Variants in CLIC4 observed in about 807,000 individuals in gnomAD.
The protein encoded by CLIC4 is CLIC family member 4.
In CLIC4, 13 loss-of-function variants were observed where a neutral mutation model predicts 24.6. The observed-to-expected ratio is 0.53, with a 90% CI of 0.34 to 0.84. The LOEUF (loss-of-function observed/expected upper bound fraction) is 0.84, where lower values mean the gene tolerates loss of function less well. CLIC4 is among the 40% of genes least tolerant of loss of function. CLIC4 has a pLI of 0.01. For synonymous variants in CLIC4, 104 were observed against 111.3 expected (o/e 0.93, Z 0.41); for missense variants, 227 against 301.7 (o/e 0.75, Z 1.83).
rs571700708 is a variant in CLIC4, at chr1:24,759,387, A to G, written c.72+13762A>G. Among the ~76,000 whole-genome samples the G allele has an allele frequency of 1.4e-4, 21 of 152,258 alleles. No homozygotes were observed. The South Asian group carries it at 3.9e-3, about 29-fold the overall frequency. ...TGTTCAAGGAGCTCTATTATAACCA[A>G]GTAGACAGTCAGATGGTGAGTAAAT... On this transcript the variant is annotated intron_variant, in intron 1 of 5. Coordinates refer to ENST00000374379, the MANE Select transcript of CLIC4 (RefSeq NM_013943.3).
chr1:24,785,057 G>A (rs1401416315), intron 1 of CLIC4, among the ~76,000 whole-genome samples: 2 of 146,580 alleles, frequency 1.4e-5, no homozygotes, highest in Non-Finnish European at 3.0e-5. Context: ...TTTCTATTTA[G>A]TGAACATTTA....
At chr1:24,830,649 G>A (rs1383636432) in intron 4 of CLIC4, among the ~76,000 whole-genome samples, 1 of 152,128 alleles carries the variant, frequency 6.6e-6, no homozygotes, top group Admixed American at 6.5e-5. Flanking sequence ...CCTGGTGTGT[G>A]TTAATCTTTG....
rs1639861760 is a variant in CLIC4, at chr1:24,833,835, C to CG, written c.416-6025_416-6024insG. ...CCGGGGCGGCTGGCCGACCCCCCCC[C>CG]CCCCCCCCCGCCTCCCTCCCGGACG... On this transcript the variant is annotated intron_variant, in intron 4 of 5. Transcript: ENST00000374379. Among the ~76,000 whole-genome samples, 2 of 26,112 alleles carry CG rather than the reference C, an allele frequency of 7.7e-5. 1 individual carries two copies. 17.1% of individuals were successfully genotyped at this position (26,112 alleles called of 152,430 possible).
chr1:24,758,076 GT>G (rs1437276352), intron 1 of CLIC4, among the ~76,000 whole-genome samples: 1 of 151,972 alleles, frequency 6.6e-6, no homozygotes, highest in East Asian at 1.9e-4. Context: ...GCCTTTCTCT[GT>G]TTTAGTTTAA....
At chr1:24,816,234 GTTTTTTTTTTT>G (rs71752506) in intron 3 of CLIC4, among the ~76,000 whole-genome samples, 38 of 62,150 alleles carry the variant, frequency 6.1e-4, no homozygotes, top group African/African-American at 1.0e-3. Flanking sequence ...GAATGTTCGT[GTTTTTTTTTTT>G]TTTTTTTTTT....
chr1:24,808,656 GATCT>G (rs1344441893), intron 2 of CLIC4, among the ~76,000 whole-genome samples: 308 of 149,790 alleles, frequency 2.1e-3, no homozygotes, highest in Non-Finnish European at 3.4e-3. Flanking sequence ...AGAGATGGGA[GATCT>G]ATCTATCTAT....
chr1:24,828,305 A>G (rs1639807032), intron 4 of CLIC4, among the ~76,000 whole-genome samples: 2 of 152,114 alleles, frequency 1.3e-5, no homozygotes, highest in African/African-American at 4.8e-5. Flanking sequence ...TCTGGCTTGT[A>G]TCTGTTAATA....
rs1639953437 is a variant in CLIC4 at position 24,842,443 on chromosome 1, C to T, written c.*1506C>T. ...TATAGGAAGTGCTATTTCTCATAGG[C>T]TGTTTCTTGAAATTTTAAGTTTATT... On this transcript the variant is annotated 3_prime_UTR_variant, in exon 6 of 6. Transcript: ENST00000374379. The T allele has an allele frequency of 6.6e-6, 1 of 152,090 alleles. No individual in the cohort carries two copies. The highest frequency in any genetic ancestry group is 6.6e-5 in the Admixed American group (1 of 15,264). The allele number at this position is 152,090 out of a possible 1,614,324, so 9.4% of individuals were successfully genotyped here.
chr1:24,812,969 G>T (rs1429400566), intron 2 of CLIC4, among the ~76,000 whole-genome samples: 2 of 151,560 alleles, frequency 1.3e-5, no homozygotes, highest in Non-Finnish European at 2.9e-5. Context: ...TGCCCACCTT[G>T]GCCTCCCAAA....
intron 2 of CLIC4, 51 bp downstream of exon 2, chr1:24,797,902 G>T: frequency 1.6e-6 from 2 of 1,254,538 alleles, no homozygotes; most frequent in Non-Finnish European, 2.3e-6. Context: ...TATCTTTTCA[G>T]TTTGATCCTA....
At chr1:24,835,342 C>T (rs938163722) in intron 4 of CLIC4, among the ~76,000 whole-genome samples, 11 of 152,214 alleles carry the variant, frequency 7.2e-5, no homozygotes, top group African/African-American at 2.4e-4. Context: ...GCAGGTGGAT[C>T]GCTTGAAGCC....
chr1:24,840,165 T>G (rs1639928046), intron 5 of CLIC4, 124 bp downstream of exon 5: 2 of 851,506 alleles, frequency 2.3e-6, no homozygotes, highest in African/African-American at 3.4e-5. Context: ...CAATGCTGTT[T>G]AGGCAATAGT....
At chr1:24,799,485 C>A (rs1298895441) in intron 2 of CLIC4, among the ~76,000 whole-genome samples, 2 of 150,994 alleles carry the variant, frequency 1.3e-5, no homozygotes, top group Admixed American at 1.3e-4. Flanking sequence ...AGGAGCCTCT[C>A]CACCCGGCAG....
chr1:24,753,461 GAA>G (rs1638804754), intron 1 of CLIC4, among the ~76,000 whole-genome samples: 1 of 152,200 alleles, frequency 6.6e-6, no homozygotes, highest in Non-Finnish European at 1.5e-5. Flanking sequence ...GAGACATGGG[GAA>G]AGATGGAAGG....
chr1:24,823,685 A>T (rs1348310265), intron 3 of CLIC4, among the ~76,000 whole-genome samples: 1 of 150,804 alleles, frequency 6.6e-6, no homozygotes, highest in East Asian at 1.9e-4. Flanking sequence ...GAGGCAGGAG[A>T]ATCGCTTGAA....
chr1:24,832,009 T>C (rs6667299), intron 4 of CLIC4, among the ~76,000 whole-genome samples: 89,263 of 152,074 alleles, frequency 0.59, 28,424 homozygotes, highest in Non-Finnish European at 0.71. Context: ...GCTCTCTCCT[T>C]TTCTCTTTTT....
chr1:24,780,747 C>T (rs954498834), intron 1 of CLIC4, among the ~76,000 whole-genome samples: 2 of 152,110 alleles, frequency 1.3e-5, no homozygotes, highest in Non-Finnish European at 2.9e-5. Context: ...TTTACAAGAT[C>T]GTCTAATAAG....
intron 1 of CLIC4, among the ~76,000 whole-genome samples, chr1:24,784,341 GTT>G (rs1385340355): frequency 1.3e-5 from 2 of 152,176 alleles, no homozygotes; most frequent in African/African-American, 4.8e-5. Context: ...AACAGGCCCA[GTT>G]TTTCAGTCAC....
intron 1 of CLIC4, among the ~76,000 whole-genome samples, chr1:24,770,003 C>T (rs1259208382): frequency 6.6e-6 from 1 of 151,888 alleles, no homozygotes; most frequent in African/African-American, 2.4e-5. Context: ...ACTTGCAGTG[C>T]CACCATGCCC....
Sources: gnomAD v4.1 joint callset for allele counts (sites outside exome capture counted in the v4.1 genomes callset) on GRCh38, gnomAD v4.1.1 for gene constraint, MANE v1.5 for transcripts, NCBI Gene and HGNC (gene_info 2026-07-23, HGNC 2026-07-21) for gene names.